DHX30: variants seen among roughly 807,000 people sequenced by gnomAD.
DHX30 encodes the protein DExH-box helicase 30, also known as ATP-dependent RNA helicase DHX30.
A neutral mutation model predicts 116.9 loss-of-function variants in DHX30; 4 were observed. That is an observed-to-expected ratio of 0.03 (90% CI 0.02 to 0.08). The LOEUF is 0.08. Among genes scored for constraint, DHX30 ranks in the 10% least tolerant of loss-of-function variants. DHX30 has a pLI of 1.00. For missense variants in DHX30, 871 were observed against 1,595.1 expected, an observed-to-expected ratio of 0.55 and a Z score of 7.73; for synonymous variants, 697 against 651.7, an observed-to-expected ratio of 1.07 and a Z score of -1.06.
intron 9 of DHX30, among the ~76,000 whole-genome samples, chr3:47,843,508 C>T (rs1204228578): frequency 2.6e-5 from 4 of 152,136 alleles, no homozygotes; most frequent in African/African-American, 7.2e-5. Flanking sequence ...CTGGTGAGGC[C>T]GGGAGGAAAC....
At chr3:47,833,708 A>C (rs1261598011) in intron 6 of DHX30, among the ~76,000 whole-genome samples, 1 of 151,350 alleles carries the variant, frequency 6.6e-6, no homozygotes, top group African/African-American at 2.4e-5. Context: ...AAATACAAAA[A>C]TTAGCCGGGC....
chr3:47,847,040 T>C lies in DHX30; in HGVS notation c.1929+39T>C. On this transcript the variant is annotated intron_variant, in intron 11 of 21. Transcript: ENST00000445061. The surrounding 1 kb of genome is among the most constrained non-coding windows in gnomAD (Gnocchi z 5.5). ...CCATCCCACCCAAGGCTCCTGGCCTTTCCTCCGTGGATGCCCCTCCTCCCT... is the reference window on the plus strand; with the variant it reads ...CCATCCCACCCAAGGCTCCTGGCCTCTCCTCCGTGGATGCCCCTCCTCCCT... The C allele has an allele frequency of 3.8e-6, 6 of 1,582,052 alleles. No homozygotes were observed. The highest frequency in any genetic ancestry group is 4.3e-6 in the Non-Finnish European group (5 of 1,162,452).
In DHX30 at chr3:47,847,132, G is replaced by C. The variant is rs2037647273; in HGVS notation, c.1929+131G>C. On this transcript the variant is annotated intron_variant, in intron 11 of 21. Coordinates refer to ENST00000445061, the MANE Select transcript of DHX30 (RefSeq NM_138615.3). The surrounding 1 kb of genome is among the most constrained non-coding windows in gnomAD (Gnocchi z 5.5). ...TCCTCGGTTTCCTTGATAGAAACTGGGGACTAACCCTGCCTGCGTGGCACA... is the reference window on the plus strand; with the variant it reads ...TCCTCGGTTTCCTTGATAGAAACTGCGGACTAACCCTGCCTGCGTGGCACA... 6.8e-7 allele frequency: 1 copy of C among 1,473,158 alleles called. No individual in the cohort carries two copies. Among genetic ancestry groups the C allele is most frequent in the African/African-American group, 1.4e-5 (1 of 72,288 alleles). 91.3% of individuals were successfully genotyped at this position (1,473,158 alleles called of 1,614,324 possible). A position where few individuals can be genotyped will look rare whatever the true frequency, so the allele number is the denominator to read the frequency against.
rs2037588529 is a variant in DHX30, at chr3:47,845,998, A to G, written c.1092+146A>G. ...GGCCTGGGATCCCCCTGGCCTGAAC[A>G]GCCCAGTCTTGCCCACAAGGATCCC... On this transcript the variant is annotated intron_variant, in intron 10 of 21. Transcript: ENST00000445061. 2.8e-6 allele frequency: 4 copies of G among 1,438,210 alleles called. No individual in the cohort carries two copies. In the South Asian group the frequency reaches 4.1e-5, roughly 15 times the overall value. 89.1% of individuals were successfully genotyped at this position (1,438,210 alleles called of 1,614,324 possible). A position where few individuals can be genotyped will look rare whatever the true frequency, so the allele number is the denominator to read the frequency against.
chr3:47,810,423 G>A (rs1482056408), intron 2 of DHX30, among the ~76,000 whole-genome samples: 1 of 152,184 alleles, frequency 6.6e-6, no homozygotes, highest in Non-Finnish European at 1.5e-5. Flanking sequence ...ACAGGATATG[G>A]GGAGTTTTAG....
At chr3:47,819,047 C>T (rs1009956948) in intron 4 of DHX30, among the ~76,000 whole-genome samples, 2 of 152,132 alleles carry the variant, frequency 1.3e-5, no homozygotes, top group African/African-American at 4.8e-5. Flanking sequence ...GCTGCTGCTG[C>T]GTCCCAGGCA....
chr3:47,833,462 G>A (rs1191725063), intron 6 of DHX30, among the ~76,000 whole-genome samples: 1 of 140,774 alleles, frequency 7.1e-6, no homozygotes, highest in Non-Finnish European at 1.5e-5. Context: ...AACCTGGGAG[G>A]CAGAGGTTGC....
intron 4 of DHX30, among the ~76,000 whole-genome samples, chr3:47,818,918 G>A (rs1287728123): frequency 6.6e-6 from 1 of 152,140 alleles, no homozygotes; most frequent in Non-Finnish European, 1.5e-5. Context: ...AGGTCATAGG[G>A]TCATTGTCTC....
chr3:47,833,551 A>AAG lies in DHX30; in HGVS notation c.366+4418_366+4419insGA, dbSNP rs1183306544. Among the ~76,000 whole-genome samples the AAG allele has an allele frequency of 7.3e-5, 11 of 150,274 alleles. No individual in the cohort carries two copies. In the East Asian group the frequency reaches 2.2e-3, roughly 30 times the overall value. On this transcript the variant is annotated intron_variant, in intron 6 of 21. Coordinates refer to ENST00000445061, the MANE Select transcript of DHX30 (RefSeq NM_138615.3). ...TCTCTCTCTCTCAAAAAAAAAAAAA[A>AAG]AAAAAAAGAAAGAGCACCTAAAATG...
At chr3:47,824,569 G>A (rs2107006813) in intron 4 of DHX30, among the ~76,000 whole-genome samples, 1 of 152,330 alleles carries the variant, frequency 6.6e-6, no homozygotes, top group East Asian at 1.9e-4. Flanking sequence ...TGGGATTGCA[G>A]GCATGAGCCA....
Position 47,848,286 on chromosome 3 carries a change from G to A in DHX30, c.2393G>A (p.Ser798Asn), listed in dbSNP as rs768490052. 1 of 1,613,880 alleles carries A rather than the reference G, an allele frequency of 6.2e-7. No individual in the cohort carries two copies. Among genetic ancestry groups the A allele is most frequent in the Admixed American group, 1.7e-5 (1 of 60,030 alleles). The change falls in exon 15 of 22, where the codon AGC becomes AAC. Residue 798 changes from serine to asparagine, a missense_variant. Physicochemically the swap from Ser to Asn is conservative, Grantham distance 46 (BLOSUM62 1). Coordinates refer to ENST00000445061, the MANE Select transcript of DHX30 (RefSeq NM_138615.3). The surrounding 1 kb of genome is among the most constrained non-coding windows in gnomAD (Gnocchi z 9.4). Reference protein sequence around the residue: ...SGFAYHLFPRSRLEKMVPFQV... With the variant: ...SGFAYHLFPRNRLEKMVPFQV... ...TTTGCCTACCACTTGTTCCCTCGAAGCCGGCTGGAGAAAATGGTCCCTTTC... is the reference window on the plus strand; with the variant it reads ...TTTGCCTACCACTTGTTCCCTCGAAACCGGCTGGAGAAAATGGTCCCTTTC...
chr3:47,823,357 G>T (rs77165373), intron 4 of DHX30, among the ~76,000 whole-genome samples: 2,349 of 127,980 alleles, frequency 0.018, 54 homozygotes, highest in African/African-American at 0.051. Context: ...CCTGGTTGTT[G>T]TTTTTTTTTT....
chr3:47,842,994 C>T, intron 8 of DHX30, 112 bp from the exon 9 acceptor site: 1 of 1,368,076 alleles, frequency 7.3e-7, no homozygotes, highest in Non-Finnish European at 1.0e-6. Flanking sequence ...CGCCTGGCAC[C>T]TGCTGAGATG....
intron 7 of DHX30, 26 bp downstream of exon 7, chr3:47,841,204 C>T (rs776336101): frequency 6.2e-7 from 1 of 1,609,218 alleles, no homozygotes; most frequent in Non-Finnish European, 8.5e-7. Flanking sequence ...GGGGATGCAG[C>T]AGAGGCTGGC....
intron 6 of DHX30, among the ~76,000 whole-genome samples, chr3:47,835,677 G>A (rs2037077252): frequency 6.6e-6 from 1 of 152,050 alleles, no homozygotes; most frequent in Non-Finnish European, 1.5e-5. Flanking sequence ...CCTGACCTCA[G>A]GTGGTCCACC....
intron 9 of DHX30, among the ~76,000 whole-genome samples, chr3:47,844,231 G>A (rs1458648176): frequency 6.6e-6 from 1 of 152,254 alleles, no homozygotes; most frequent in Non-Finnish European, 1.5e-5. Flanking sequence ...AGCTGATGGT[G>A]AGAGGTAACA....
chr3:47,842,325 C>G (rs959405456), intron 8 of DHX30: 1 of 152,836 alleles, frequency 6.5e-6, no homozygotes, highest in African/African-American at 2.4e-5. Context: ...GTACGAACAC[C>G]AACAATATAT....
Position 47,847,168 on chromosome 3 carries a change from G to A in DHX30, c.1930-105G>A. ...TGCCTGCGTGGCACACGTGAGGATT[G>A]GAGTTGATGTCAAGCGGCTCCGTCT... is the stretch of plus-strand genomic sequence containing the variant. On this transcript the variant is annotated intron_variant, in intron 11 of 21. Transcript: ENST00000445061. This position sits in a 1 kb window ranked among gnomAD's most constrained non-coding sequence, Gnocchi z 5.5. 1.3e-6 allele frequency: 2 copies of A among 1,507,922 alleles called. No individual in the cohort carries two copies. The highest frequency in any genetic ancestry group is 9.2e-7 in the Non-Finnish European group (1 of 1,088,064). 93.4% of individuals were successfully genotyped at this position (1,507,922 alleles called of 1,614,324 possible).
intron 8 of DHX30, 55 bp downstream of exon 8, chr3:47,841,792 G>A (rs1412295261): frequency 6.2e-7 from 1 of 1,613,248 alleles, no homozygotes; most frequent in African/African-American, 1.3e-5. Context: ...GTCATGTCTG[G>A]TGTTCCCTAA....
Sources: gnomAD v4.1 joint callset for allele counts (sites outside exome capture counted in the v4.1 genomes callset) on GRCh38, gnomAD v4.1.1 for gene constraint, Gnocchi (gnomAD v3.1) non-coding constraint, MANE v1.5 for transcripts, NCBI Gene and HGNC (gene_info 2026-07-23, HGNC 2026-07-21) for gene names.